The following L3MBTL4 variants were observed in gnomAD, a reference collection of about 807,000 sequenced individuals.
L3MBTL4 encodes lethal(3)malignant brain tumor-like protein 4.
Under a neutral mutation model 84.5 loss-of-function variants are expected in L3MBTL4, and 70 were observed. That is an observed-to-expected ratio of 0.83 (90% confidence interval 0.68 to 1.01). The LOEUF (loss-of-function observed/expected upper bound fraction) is 1.01. L3MBTL4 is among the 50% of genes least tolerant of loss of function. The probability of loss-of-function intolerance (pLI) is 0.00; values close to 1 mark genes in which losing one functional copy is unlikely to be tolerated. For missense variants in L3MBTL4, 715 were observed against 754.8 expected, an observed-to-expected ratio of 0.95 and a Z score of 0.62; for synonymous variants, 274 against 259.8, an observed-to-expected ratio of 1.05 and a Z score of -0.52.
chr18:6,414,823 C>G lies in L3MBTL4; in HGVS notation c.-113G>C, dbSNP rs1210439475. On this transcript the variant is annotated 5_prime_UTR_variant, in exon 1 of 19. Coordinates refer to ENST00000317931, the MANE Select transcript of L3MBTL4 (RefSeq NM_001330559.2). This position sits in a 1 kb window ranked among gnomAD's most constrained non-coding sequence, Gnocchi z 5.4. ...TACCCCCAGCGGAGCGGCGCCTGCC[C>G]GCAACGCCGACCGAGCTACAGGCGG... 1 of 151,034 alleles carries G rather than the reference C, an allele frequency of 6.6e-6. No individual in the cohort carries two copies. Among genetic ancestry groups the G allele is most frequent in the Non-Finnish European group, 1.5e-5 (1 of 67,686 alleles). The allele number at this position is 151,034 out of a possible 1,614,324, so 9.4% of individuals were successfully genotyped here.
intron 1 of L3MBTL4, among the ~76,000 whole-genome samples, chr18:6,357,211 T>C (rs527255567): frequency 6.6e-5 from 10 of 152,288 alleles, no homozygotes; most frequent in Admixed American, 4.6e-4. Context: ...AGAAACTCCA[T>C]TTATCTTGAA....
chr18:6,350,563 A>AC (rs2053133197), intron 1 of L3MBTL4, among the ~76,000 whole-genome samples: 1 of 152,106 alleles, frequency 6.6e-6, no homozygotes, highest in African/African-American at 2.4e-5. Flanking sequence ...GAAAAAAAAA[A>AC]ACGGAAAACA....
At chr18:6,125,155 T>A (rs1309929077) in intron 14 of L3MBTL4, among the ~76,000 whole-genome samples, 1 of 139,644 alleles carries the variant, frequency 7.2e-6, no homozygotes, top group Admixed American at 7.5e-5. Context: ...AATTATTAAC[T>A]AACAAAATGC....
In L3MBTL4 at chr18:6,029,922, C is replaced by T. The variant is rs117936472; in HGVS notation, c.1444+50959G>A. 3,246 of 985,384 alleles carry T rather than the reference C, an allele frequency of 3.3e-3. 5 individuals carry two copies. The highest frequency in any genetic ancestry group is 0.016 in the Middle Eastern group (31 of 1,914). 61.0% of individuals were successfully genotyped at this position (985,384 alleles called of 1,614,324 possible). On this transcript the variant is annotated intron_variant, in intron 16 of 18. Coordinates refer to ENST00000317931, the MANE Select transcript of L3MBTL4 (RefSeq NM_001330559.2). ...GCATGAGTGATGAGTACAGAAGACA[C>T]TTTTTATTTTCCAGTCAAGCTGACA...
At chr18:6,069,920 T>C (rs1030279933) in intron 16 of L3MBTL4, among the ~76,000 whole-genome samples, 2 of 152,048 alleles carry the variant, frequency 1.3e-5, no homozygotes, top group African/African-American at 4.8e-5. Flanking sequence ...ATAATTTAAT[T>C]AAAAATTAAT....
chr18:6,387,898 C>T (rs2054889745), intron 1 of L3MBTL4, among the ~76,000 whole-genome samples: 1 of 152,088 alleles, frequency 6.6e-6, no homozygotes, highest in South Asian at 2.1e-4. Context: ...TTTCACCTTT[C>T]CCATGCAAAC....
intron 4 of L3MBTL4, among the ~76,000 whole-genome samples, chr18:6,298,764 C>T (rs1288719743): frequency 6.6e-6 from 1 of 152,070 alleles, no homozygotes; most frequent in Admixed American, 6.6e-5. Context: ...ATCCCAGTTA[C>T]TCGGGAGGCT....
At chr18:6,405,616 A>AAACACAGGGGCTAGGCCCGAGGGCCCC (rs1555762326) in intron 1 of L3MBTL4, among the ~76,000 whole-genome samples, 1 of 151,476 alleles carries the variant, frequency 6.6e-6, no homozygotes, top group Non-Finnish European at 1.5e-5. Flanking sequence ...CCGAGGGCCC[A>AAACACAGGGGCTAGGCCCGAGGGCCCC]CTAAACACAG....
intron 1 of L3MBTL4, among the ~76,000 whole-genome samples, chr18:6,341,660 T>C (rs1478501924): frequency 6.6e-6 from 1 of 151,426 alleles, no homozygotes; most frequent in Non-Finnish European, 1.5e-5. Context: ...TGAACAAACA[T>C]AGAAATTATA....
intron 16 of L3MBTL4, among the ~76,000 whole-genome samples, chr18:6,078,069 C>T (rs773336997): frequency 2.7e-5 from 4 of 149,348 alleles, no homozygotes; most frequent in South Asian, 2.1e-4. Context: ...ATAAAAGACT[C>T]CTGATGAATG....
At chr18:6,075,307 C>G (rs1375231435) in intron 16 of L3MBTL4, among the ~76,000 whole-genome samples, 2 of 152,008 alleles carry the variant, frequency 1.3e-5, no homozygotes, top group African/African-American at 2.4e-5. Flanking sequence ...ATCAAGACAC[C>G]ATAGTATTGG....
chr18:6,261,045 A>C, intron 5 of L3MBTL4: 1 of 152,256 alleles, frequency 6.6e-6, no homozygotes, highest in East Asian at 1.9e-4. Flanking sequence ...ATAATTGGTG[A>C]GCTTAATTCT....
intron 1 of L3MBTL4, among the ~76,000 whole-genome samples, chr18:6,334,235 T>C (rs747448977): frequency 1.9e-4 from 29 of 152,198 alleles, no homozygotes; most frequent in Non-Finnish European, 3.7e-4. Flanking sequence ...TCCCAGTTGG[T>C]GTCAGGTAAA....
chr18:6,363,337 C>G (rs2053793394), intron 1 of L3MBTL4, among the ~76,000 whole-genome samples: 1 of 152,166 alleles, frequency 6.6e-6, no homozygotes, highest in South Asian at 2.1e-4. Flanking sequence ...CCAGGCCCCC[C>G]GGGTGCCCTA....
chr18:6,011,835 A>G (rs1263769729), intron 16 of L3MBTL4, among the ~76,000 whole-genome samples: 1 of 152,192 alleles, frequency 6.6e-6, no homozygotes, highest in Non-Finnish European at 1.5e-5. Context: ...ACACAAATAT[A>G]TAGTAAAAAG....
intron 16 of L3MBTL4, among the ~76,000 whole-genome samples, chr18:5,972,560 C>T (rs2052689794): frequency 6.6e-6 from 1 of 152,132 alleles, no homozygotes. Context: ...AGGGAAGCGG[C>T]CTGATTCTAA....
At chr18:6,415,151 C>T (rs1003322374), upstream of L3MBTL4, 2 of 152,250 alleles carry the variant, frequency 1.3e-5, no homozygotes, top group African/African-American at 2.4e-5. Context: ...CAAATCTTGG[C>T]TACTTCCTGC....
At position 6,124,932 on chromosome 18, in the gene L3MBTL4, A is replaced by G. The variant is rs533728300; in HGVS notation, c.1199+13262T>C. Among the ~76,000 whole-genome samples, 4 of 152,246 alleles carry G rather than the reference A, an allele frequency of 2.6e-5. No homozygotes were observed. In the South Asian group the frequency reaches 6.2e-4, roughly 24 times the overall value. On this transcript the variant is annotated intron_variant, in intron 14 of 18. Coordinates refer to ENST00000317931, the MANE Select transcript of L3MBTL4 (RefSeq NM_001330559.2). ...GAGTAAGGTATGTATTCTCAAATCT[A>G]ATTAACACAATAGATATACTGAATT... is the stretch of plus-strand genomic sequence containing the variant.
intron 16 of L3MBTL4, among the ~76,000 whole-genome samples, chr18:6,002,690 A>G (rs955018832): frequency 1.3e-5 from 2 of 152,152 alleles, no homozygotes. Flanking sequence ...AGTACAGAGT[A>G]TATACAAAAA....
Sources: gnomAD v4.1 joint callset for allele counts (sites outside exome capture counted in the v4.1 genomes callset) on GRCh38, gnomAD v4.1.1 for gene constraint, Gnocchi (gnomAD v3.1) non-coding constraint, MANE v1.5 for transcripts, NCBI Gene and HGNC (gene_info 2026-07-23, HGNC 2026-07-21) for gene names.